Variants in TRAPPC8 observed in about 807,000 individuals in gnomAD.
TRAPPC8 encodes the protein trafficking protein particle complex subunit 8.
A neutral mutation model predicts 174.3 loss-of-function variants in TRAPPC8; 54 were observed. The observed-to-expected ratio is 0.31, with a 90% CI of 0.25 to 0.39. TRAPPC8 has a LOEUF of 0.39. Ranked by LOEUF, TRAPPC8 falls within the 10% of genes least tolerant of loss-of-function variation. TRAPPC8 has a pLI of 1.00. For synonymous variants in TRAPPC8, 630 were observed against 579.9 expected (o/e 1.09, Z -1.24); for missense variants, 1,531 against 1,699.1 (o/e 0.90, Z 1.74).
At chr18:31,883,708 T>C (rs1308299517) in intron 12 of TRAPPC8, 1 of 152,174 alleles carries the variant, frequency 6.6e-6, no homozygotes, top group Non-Finnish European at 1.5e-5. Context: ...TGATTTTTAA[T>C]AACAGGTATC....
At chr18:31,891,268 G>A (rs976557873) in intron 11 of TRAPPC8, 1 of 152,270 alleles carries the variant, frequency 6.6e-6, no homozygotes, top group African/African-American at 2.4e-5. Flanking sequence ...TTGACTTGTT[G>A]GCATATTTTC....
At chr18:31,894,507 A>G (rs947230156) in intron 11 of TRAPPC8, among the ~76,000 whole-genome samples, 1 of 152,178 alleles carries the variant, frequency 6.6e-6, no homozygotes, top group African/African-American at 2.4e-5. Context: ...TTCAACAAGA[A>G]CTCTGGCCTA....
At chr18:31,854,983 A>AAG (rs1202914091) in intron 21 of TRAPPC8, among the ~76,000 whole-genome samples, 3 of 150,194 alleles carry the variant, frequency 2.0e-5, no homozygotes, top group African/African-American at 7.3e-5. Flanking sequence ...AAAAAAAAAA[A>AAG]AAAAGAATAT....
intron 22 of TRAPPC8, among the ~76,000 whole-genome samples, chr18:31,853,586 G>A (rs2033830914): frequency 6.6e-6 from 1 of 151,846 alleles, no homozygotes; most frequent in Non-Finnish European, 1.5e-5. Flanking sequence ...ATTTTTGACA[G>A]TAATCATGTA....
At chr18:31,890,331 A>C (rs1472876958) in intron 12 of TRAPPC8, among the ~76,000 whole-genome samples, 1 of 152,208 alleles carries the variant, frequency 6.6e-6, no homozygotes, top group African/African-American at 2.4e-5. Flanking sequence ...TAGCATTATA[A>C]AGCACTCTGA....
chr18:31,895,854 T>C (rs906896082), intron 11 of TRAPPC8: 1 of 152,212 alleles, frequency 6.6e-6, no homozygotes, highest in Non-Finnish European at 1.5e-5. Context: ...TCAGTGTCCA[T>C]GCAATAACAA....
At chr18:31,863,320 C>A (rs376399715) in intron 19 of TRAPPC8, among the ~76,000 whole-genome samples, 5 of 151,982 alleles carry the variant, frequency 3.3e-5, no homozygotes, top group African/African-American at 9.7e-5. Flanking sequence ...TAGTGTATTG[C>A]GAAATTTAAA....
intron 1 of TRAPPC8, among the ~76,000 whole-genome samples, chr18:31,938,200 G>GATAAT (rs2038185430): frequency 6.6e-6 from 1 of 151,846 alleles, no homozygotes; most frequent in African/African-American, 2.4e-5. Context: ...TTGTTTGCTT[G>GATAAT]ATTAATTAAT....
intron 26 of TRAPPC8, among the ~76,000 whole-genome samples, chr18:31,843,521 A>C (rs868693883): frequency 6.6e-6 from 1 of 152,218 alleles, no homozygotes; most frequent in African/African-American, 2.4e-5. Flanking sequence ...TGCAATGTTG[A>C]AAGTTGCAAT....
intron 2 of TRAPPC8, among the ~76,000 whole-genome samples, chr18:31,922,418 CCT>C (rs1247796576): frequency 6.6e-6 from 1 of 150,954 alleles, no homozygotes; most frequent in Non-Finnish European, 1.5e-5. Flanking sequence ...CATAGCAAAC[CCT>C]GTCTCTACAA....
chr18:31,928,866 G>A (rs559162979), intron 2 of TRAPPC8, among the ~76,000 whole-genome samples: 1 of 152,160 alleles, frequency 6.6e-6, no homozygotes, highest in South Asian at 2.1e-4. Context: ...ACATATAAAG[G>A]TCTACGAGAG....
At chr18:31,834,088 G>GGTTGTTGTTGTTGTTGTT (rs35486513) in intron 27 of TRAPPC8, among the ~76,000 whole-genome samples, 2 of 148,936 alleles carry the variant, frequency 1.3e-5, no homozygotes, top group Non-Finnish European at 3.0e-5. Flanking sequence ...ATCACATTTT[G>GGTTGTTGTTGTTGTTGTT]GTTGTTGTTG....
intron 17 of TRAPPC8, 135 bp downstream of exon 17, chr18:31,867,267 C>A: frequency 5.4e-6 from 4 of 737,070 alleles, no homozygotes; most frequent in Non-Finnish European, 9.0e-6. Flanking sequence ...CTGAGCAATT[C>A]CTATGTCCTA....
chr18:31,855,890 A>G, intron 20 of TRAPPC8, 83 bp from the exon 21 acceptor site: 1 of 1,425,098 alleles, frequency 7.0e-7, no homozygotes, highest in South Asian at 1.4e-5. Context: ...AAAGATTTTA[A>G]AAACTGATCA....
intron 17 of TRAPPC8, among the ~76,000 whole-genome samples, 158 bp from the exon 18 acceptor site, chr18:31,867,133 A>T (rs1386265550): frequency 6.6e-6 from 1 of 152,200 alleles, no homozygotes. Context: ...AAAATGTCTA[A>T]ATTTAACAAT....
At chr18:31,879,378 T>C (rs1264157661) in intron 12 of TRAPPC8, among the ~76,000 whole-genome samples, 1 of 152,154 alleles carries the variant, frequency 6.6e-6, no homozygotes, top group Non-Finnish European at 1.5e-5. Context: ...TGAATGACTT[T>C]AGGGTAAACA....
chr18:31,867,637 C>A (rs2034651287), intron 16 of TRAPPC8, among the ~76,000 whole-genome samples, 161 bp from the exon 17 acceptor site: 1 of 152,136 alleles, frequency 6.6e-6, no homozygotes, highest in South Asian at 2.1e-4. Flanking sequence ...TTTATTTCCA[C>A]AACTAGAGTA....
At position 31,926,948 on chromosome 18, in the gene TRAPPC8, CTT is replaced by C. The variant is rs150289460; in HGVS notation, c.352+4379_352+4380del. Among the ~76,000 whole-genome samples, 1,356 of 152,192 alleles carry C rather than the reference CTT, an allele frequency of 8.9e-3. 20 individuals are homozygous for C. Among genetic ancestry groups the C allele is most frequent in the African/African-American group, 0.03 (1,248 of 41,526 alleles). The stretch of plus-strand genomic sequence containing the variant: ...AAATAAAACTTATTTAAATTTAAAA[CTT>C]ATTACGCCATAGACAGCCATATAAA... On this transcript the variant is annotated intron_variant, in intron 2 of 28. Transcript: ENST00000283351.
At chr18:31,933,764 T>C (rs1318941664) in intron 1 of TRAPPC8, among the ~76,000 whole-genome samples, 2 of 152,064 alleles carry the variant, frequency 1.3e-5, no homozygotes, top group Non-Finnish European at 2.9e-5. Flanking sequence ...CAAACTTTTC[T>C]ACATTTCCTA....
Sources: allele counts gnomAD v4.1 joint callset (sites outside exome capture counted in the v4.1 genomes callset), GRCh38; gene constraint gnomAD v4.1.1; transcripts MANE v1.5; gene names NCBI Gene and HGNC (gene_info 2026-07-23, HGNC 2026-07-21).